GNRH2: variants seen among roughly 807,000 people sequenced by gnomAD.
GNRH2 encodes gonadotropin releasing hormone 2.
Under a neutral mutation model 12.1 loss-of-function variants are expected in GNRH2, and 15 were observed. The observed-to-expected ratio is 1.24, with a 90% CI of 0.83 to 1.90. The LOEUF (loss-of-function observed/expected upper bound fraction) is 1.90. Ranked by LOEUF, GNRH2 falls within the 40% of genes most tolerant of loss-of-function variation. The probability of loss-of-function intolerance (pLI) is 0.00; values close to 1 mark genes in which losing one functional copy is unlikely to be tolerated. For missense variants in GNRH2, 143 were observed against 141.4 expected, an observed-to-expected ratio of 1.01 and a Z score of -0.06; for synonymous variants, 60 against 62.0, an observed-to-expected ratio of 0.97 and a Z score of 0.15.
chr20:3,045,559 G>T, intron 3 of GNRH2, 127 bp from the exon 4 acceptor site: 1 of 744,906 alleles, frequency 1.3e-6, no homozygotes, highest in Non-Finnish European at 2.3e-6. Flanking sequence ...GGGAGGCGGG[G>T]GGCGTCCTGC....
At chr20:3,044,619 C>T (rs377508836) in intron 2 of GNRH2, 51 bp downstream of exon 2, 1 of 1,608,838 alleles carries the variant, frequency 6.2e-7, no homozygotes, top group Admixed American at 1.7e-5. Context: ...GCCGGGGGCT[C>T]CCCCACCCTC....
At position 3,044,564 on chromosome 20, in the gene GNRH2, C is replaced by G; in HGVS notation, c.150C>G (p.Pro50=). 1 of 1,613,680 alleles carries G rather than the reference C, an allele frequency of 6.2e-7. No homozygotes were observed. Among genetic ancestry groups the G allele is most frequent in the East Asian group, 2.2e-5 (1 of 44,870 alleles). Residue 50 remains proline, a synonymous_variant, in exon 2 of 4, where the codon CCC becomes CCG. Coordinates refer to ENST00000359100, the MANE Select transcript of GNRH2 (RefSeq NM_178331.2). The part of the protein sequence containing the change: ...SAQDPQNALR[P]PAGSPVQTAH... ...AGGATCCCCAGAATGCCCTTAGGCC[C>G]CCAGGTGGGTGTCTCCCAGCCTCAT...
rs1464745495 is a variant in GNRH2 at position 3,044,465 on chromosome 20, C to T, written c.51C>T (p.His17=). The T allele has an allele frequency of 1.9e-6, 3 of 1,613,450 alleles. No homozygotes were observed. The highest frequency in any genetic ancestry group is 1.7e-6 in the Non-Finnish European group (2 of 1,179,650). The change falls in exon 2 of 4, where the codon CAC becomes CAT. Residue 17 remains histidine, a synonymous_variant. Transcript: ENST00000359100. ...TGCTCCTGCTGCTGCTGACTGCCCA[C>T]CTTGGACCCTCAGAGGCTCAGCACT... ...GLLLLLLLTA[H]LGPSEAQHWS... is the part of the protein sequence containing the mutation.
chr20:3,044,361 T>G, intron 1 of GNRH2, 47 bp from the exon 2 acceptor site: 2 of 1,519,438 alleles, frequency 1.3e-6, no homozygotes, highest in Non-Finnish European at 1.8e-6. Context: ...AGTAGGGGGA[T>G]GTGGGGGTGA....
rs2065981788 is a variant in GNRH2, at chr20:3,045,675, T to G, written c.292-11T>G. The G allele has an allele frequency of 6.2e-7, 1 of 1,608,956 alleles. No homozygotes were observed. Among genetic ancestry groups the G allele is most frequent in the Admixed American group, 1.7e-5 (1 of 59,820 alleles). On this transcript the variant is annotated splice_polypyrimidine_tract_variant and intron_variant, in intron 3 of 3. Coordinates refer to ENST00000359100, the MANE Select transcript of GNRH2 (RefSeq NM_178331.2). The stretch of plus-strand genomic sequence containing the variant: ...TGTCCTGAGACATGACCGCCACCTC[T>G]CCCTCCGCAGACCGCAGCCCGAGAG...
At chr20:3,045,043 A>C (rs76917205) in intron 3 of GNRH2, among the ~76,000 whole-genome samples, 3 of 152,198 alleles carry the variant, frequency 2.0e-5, no homozygotes, top group Non-Finnish European at 4.4e-5. Flanking sequence ...GGAGGATTCT[A>C]GACAATTTAC....
At position 3,045,745 on chromosome 20, in the gene GNRH2, G is replaced by A; in HGVS notation, c.*9G>A. On this transcript the variant is annotated 3_prime_UTR_variant, in exon 4 of 4. Transcript: ENST00000359100. ...CCTCCAATAAAGTGTGAGGTTCTCC[G>A]AAGCTGTTGCGTCGAGTTCTGTCCT... 3.8e-6 allele frequency: 6 copies of A among 1,597,798 alleles called. No individual in the cohort carries two copies. The South Asian group carries it at 5.5e-5, about 15-fold the overall frequency.
In GNRH2 at chr20:3,044,768, C is replaced by T; in HGVS notation, c.223C>T (p.Pro75Ser). The change falls in exon 3 of 4, where the codon CCC (proline) becomes TCC (serine). Residue 75 changes from proline to serine, a missense_variant. Physicochemically the swap from Pro to Ser is moderately conservative, Grantham distance 74. Coordinates refer to ENST00000359100, the MANE Select transcript of GNRH2 (RefSeq NM_178331.2). ...CCTGGCTCCCCTGGACGACAGCATG[C>T]CCTGGGAGGGCAGGACCACGGCCCA... ...DALAPLDDSM[P>S]WEGRTTAQWS... is the part of the protein sequence containing the mutation. 6.2e-7 allele frequency: 1 copy of T among 1,612,550 alleles called. No individual in the cohort carries two copies. The highest frequency in any genetic ancestry group is 2.2e-5 in the East Asian group (1 of 44,854).
chr20:3,045,399 AAGTGGTT>A (rs1363566411), intron 3 of GNRH2, among the ~76,000 whole-genome samples: 1 of 152,162 alleles, frequency 6.6e-6, no homozygotes, highest in Non-Finnish European at 1.5e-5. Context: ...CTAAAGAAGA[AAGTGGTT>A]AGTTCCTATG....
At chr20:3,044,879 G>A (rs1568719041) in intron 3 of GNRH2, 43 bp downstream of exon 3, 1 of 1,527,798 alleles carries the variant, frequency 6.5e-7, no homozygotes. Context: ...CCAGCCACTG[G>A]TCATCAGAGG....
Position 3,045,656 on chromosome 20 carries a change from GAGACATGACCGCC to G in GNRH2, c.292-28_292-16del. 6.3e-7 allele frequency: 1 copy of G among 1,597,036 alleles called. No individual in the cohort carries two copies. The highest frequency in any genetic ancestry group is 8.6e-7 in the Non-Finnish European group (1 of 1,165,876). ...TCGGCGGTTACGAGACCAGTGTCCT[GAGACATGACCGCC>G]ACCTCTCCCTCCGCAGACCGCAGCC... On this transcript the variant is annotated splice_polypyrimidine_tract_variant and intron_variant, in intron 3 of 3. Coordinates refer to ENST00000359100, the MANE Select transcript of GNRH2 (RefSeq NM_178331.2).
At chr20:3,045,323 G>A (rs188017850) in intron 3 of GNRH2, among the ~76,000 whole-genome samples, 1 of 152,326 alleles carries the variant, frequency 6.6e-6, no homozygotes, top group African/African-American at 2.4e-5. Context: ...GAAGACAGGC[G>A]TGGGGAAATG....
chr20:3,044,136 G>A, intron 1 of GNRH2: 2 of 454,148 alleles, frequency 4.4e-6, no homozygotes, highest in Non-Finnish European at 8.0e-6. Context: ...TGGACAAGTG[G>A]GAGGGCCCTC....
chr20:3,044,617 C>T, intron 2 of GNRH2, 49 bp downstream of exon 2: 3 of 1,609,190 alleles, frequency 1.9e-6, no homozygotes, highest in Non-Finnish European at 2.5e-6. Context: ...TGGCCGGGGG[C>T]TCCCCCACCC....
intron 2 of GNRH2, 29 bp downstream of exon 2, chr20:3,044,597 A>G (rs1197764556): frequency 1.9e-6 from 3 of 1,611,628 alleles, no homozygotes; most frequent in Non-Finnish European, 1.7e-6. Context: ...CATGGGGAGG[A>G]AGAAAGTGAT....
At chr20:3,045,200 G>A (rs901502970) in intron 3 of GNRH2, among the ~76,000 whole-genome samples, 3 of 150,520 alleles carry the variant, frequency 2.0e-5, no homozygotes, top group Non-Finnish European at 4.4e-5. Flanking sequence ...AGTGGAAAGA[G>A]GTGAGGGATG....
At chr20:3,045,592 G>A (rs6138994) in intron 3 of GNRH2, 94 bp from the exon 4 acceptor site, 2 of 1,053,152 alleles carry the variant, frequency 1.9e-6, no homozygotes, top group Non-Finnish European at 2.9e-6. Flanking sequence ...CATGGGGACT[G>A]GGGGGGACGA....
intron 3 of GNRH2, among the ~76,000 whole-genome samples, chr20:3,045,276 C>A (rs2065976891): frequency 6.6e-6 from 1 of 152,152 alleles, no homozygotes. Flanking sequence ...GCACTAGGAA[C>A]ATCTCAGGGA....
chr20:3,045,582 C>T (rs535709446), intron 3 of GNRH2, 104 bp from the exon 4 acceptor site: 2 of 965,452 alleles, frequency 2.1e-6, no homozygotes, highest in African/African-American at 1.6e-5. Context: ...TGGGAGGCCA[C>T]ATGGGGACTG....
Sources: allele counts gnomAD v4.1 joint callset (sites outside exome capture counted in the v4.1 genomes callset), GRCh38; gene constraint gnomAD v4.1.1; transcripts MANE v1.5; gene names NCBI Gene and HGNC (gene_info 2026-07-23, HGNC 2026-07-21).